ZNF34: variants seen among roughly 807,000 people sequenced by gnomAD.
ZNF34 encodes zinc finger protein 34.
ZNF34 carries 8 observed loss-of-function variants against 14.4 expected under a neutral mutation model. That is an observed-to-expected ratio of 0.55 (90% CI 0.33 to 1.00). The LOEUF is 1.00. ZNF34 is among the 50% of genes least tolerant of loss of function. The pLI, the probability that ZNF34 is intolerant of heterozygous loss-of-function variation, is 0.03. For missense variants in ZNF34, 538 were observed against 674.2 expected, an observed-to-expected ratio of 0.80 and a Z score of 2.24; for synonymous variants, 235 against 247.9, an observed-to-expected ratio of 0.95 and a Z score of 0.49.
At position 144,772,510 on chromosome 8, in the gene ZNF34, C is replaced by A. The variant is rs1825235740; in HGVS notation, c.*756G>T. On this transcript the variant is annotated 3_prime_UTR_variant, in exon 6 of 6. Transcript: ENST00000429371. Reference sequence around the variant, plus strand: ...ACCACAGTTAAAGGCAACTTCAACTCTATTGACATAAAAAGTATGAATGTT... The same window carrying A: ...ACCACAGTTAAAGGCAACTTCAACTATATTGACATAAAAAGTATGAATGTT... 6.6e-6 allele frequency among the ~76,000 whole-genome samples: 1 copy of A among 152,222 alleles called. No individual in the cohort carries two copies. Among genetic ancestry groups the A allele is most frequent in the African/African-American group, 2.4e-5 (1 of 41,454 alleles).
chr8:144,780,313 T>C, intron 1 of ZNF34, 33 bp from the exon 2 acceptor site: 1 of 1,470,046 alleles, frequency 6.8e-7, no homozygotes, highest in African/African-American at 1.4e-5. Flanking sequence ...GGCTAAGTAT[T>C]AGTTAATATT....
At chr8:144,780,517 G>A (rs1309102286) in intron 1 of ZNF34, among the ~76,000 whole-genome samples, 4 of 152,196 alleles carry the variant, frequency 2.6e-5, no homozygotes, top group African/African-American at 9.6e-5. Flanking sequence ...GCCGGGTGTG[G>A]TGGCTCACGC....
intron 1 of ZNF34, among the ~76,000 whole-genome samples, chr8:144,781,295 G>T (rs1825867994): frequency 6.7e-6 from 1 of 149,582 alleles, no homozygotes; most frequent in South Asian, 2.1e-4. Flanking sequence ...TTTAGACGGA[G>T]TCTTACTCTG....
chr8:144,776,375 G>A (rs1825516350), intron 5 of ZNF34, among the ~76,000 whole-genome samples: 1 of 150,750 alleles, frequency 6.6e-6, no homozygotes, highest in African/African-American at 2.4e-5. Context: ...CAAGGTGGGA[G>A]GATCGCTTGA....
chr8:144,779,827 C>T lies in ZNF34; in HGVS notation c.-55+401G>A, dbSNP rs1825752346. On this transcript the variant is annotated intron_variant, in intron 2 of 5. Coordinates refer to ENST00000429371, the MANE Select transcript of ZNF34 (RefSeq NM_001286769.2). The surrounding 1 kb of genome is among the most constrained non-coding windows in gnomAD (Gnocchi z 4.1). ...GCTGTCTCATTCAGGAGGAAAACGACAATACTCATTCACTTTACATGGAAG... is the reference window on the plus strand; with the variant it reads ...GCTGTCTCATTCAGGAGGAAAACGATAATACTCATTCACTTTACATGGAAG... 6.6e-6 allele frequency among the ~76,000 whole-genome samples: 1 copy of T among 152,004 alleles called. No homozygotes were observed. Among genetic ancestry groups the T allele is most frequent in the African/African-American group, 2.4e-5 (1 of 41,368 alleles).
At position 144,774,542 on chromosome 8, in the gene ZNF34, G is replaced by C. The variant is rs776768748; in HGVS notation, c.344C>G (p.Pro115Arg). 1.2e-6 allele frequency: 2 copies of C among 1,613,886 alleles called. No homozygotes were observed. Among genetic ancestry groups the C allele is most frequent in the Non-Finnish European group, 8.5e-7 (1 of 1,179,878 alleles). Reference sequence around the variant, plus strand: ...GGCTTCTACTGGCTCAGATCCCTGGGGATCTTCCTCACCAAATGTCTCCTG... The same window carrying C: ...GGCTTCTACTGGCTCAGATCCCTGGCGATCTTCCTCACCAAATGTCTCCTG... ...TSQETFGEED[P>R]QGSEPVEACD... Residue 115 changes from proline (P) to arginine (R), a missense_variant, in exon 6 of 6, where the codon CCC (proline) becomes CGC (arginine). This residue lies in a region of ZNF34 where 431 missense variants were observed against 525.7 expected (regional missense o/e 0.82). Coordinates refer to ENST00000429371, the MANE Select transcript of ZNF34 (RefSeq NM_001286769.2).
intron 1 of ZNF34, among the ~76,000 whole-genome samples, chr8:144,786,678 AAAAG>A (rs1826260038): frequency 6.6e-6 from 1 of 151,964 alleles, no homozygotes; most frequent in Non-Finnish European, 1.5e-5. Context: ...AAGAGAAAAG[AAAAG>A]AAAGAAAAAA....
rs369632583 is a variant in ZNF34 at position 144,774,387 on chromosome 8, G to A, written c.499C>T (p.Pro167Ser). 195 of 1,613,442 alleles carry A rather than the reference G, an allele frequency of 1.2e-4. No individual in the cohort carries two copies. The highest frequency in any genetic ancestry group is 1.6e-4 in the Non-Finnish European group (191 of 1,179,718). Residue 167 changes from proline to serine, a missense_variant, in exon 6 of 6, where the codon CCT becomes TCT. Physicochemically the swap from Pro to Ser is moderately conservative, Grantham distance 74. This residue lies in a region of ZNF34 where 431 missense variants were observed against 525.7 expected (regional missense o/e 0.82). Coordinates refer to ENST00000429371, the MANE Select transcript of ZNF34 (RefSeq NM_001286769.2). Reference sequence around the variant, plus strand: ...TTGTGAGGTCTCTGATCAGGAACAGGTCTTGACAGCAACCTGAGGTTTCCC... The same window carrying A: ...TTGTGAGGTCTCTGATCAGGAACAGATCTTGACAGCAACCTGAGGTTTCCC... Reference protein sequence around the residue: ...SGGNLRLLSRPVPDQRPHKCD... With the variant: ...SGGNLRLLSRSVPDQRPHKCD...
Position 144,779,185 on chromosome 8 carries a change from A to G in ZNF34, c.-54-660T>C, listed in dbSNP as rs752647038. On this transcript the variant is annotated intron_variant, in intron 2 of 5. Coordinates refer to ENST00000429371, the MANE Select transcript of ZNF34 (RefSeq NM_001286769.2). This position sits in a 1 kb window ranked among gnomAD's most constrained non-coding sequence, Gnocchi z 4.1. ...GATGGAATCCAGGGCTCAGGGCACA[A>G]AACCCTCATGGCCTCTGGAATGTGC... 2.0e-5 allele frequency among the ~76,000 whole-genome samples: 3 copies of G among 152,086 alleles called. No homozygotes were observed. Among genetic ancestry groups the G allele is most frequent in the Non-Finnish European group, 4.4e-5 (3 of 67,988 alleles).
chr8:144,773,188 A>G lies in ZNF34; in HGVS notation c.*78T>C, dbSNP rs1825265890. On this transcript the variant is annotated 3_prime_UTR_variant, in exon 6 of 6. Coordinates refer to ENST00000429371, the MANE Select transcript of ZNF34 (RefSeq NM_001286769.2). This position sits in a 1 kb window ranked among gnomAD's most constrained non-coding sequence, Gnocchi z 5.4. Reference sequence around the variant, plus strand: ...TGTGAAAACATCGTGTGGATAATACATAAAGGGCAGAGTCAGGTGCCGGGG... The same window carrying G: ...TGTGAAAACATCGTGTGGATAATACGTAAAGGGCAGAGTCAGGTGCCGGGG... The G allele has an allele frequency of 1.4e-6, 2 of 1,442,278 alleles. No homozygotes were observed. The highest frequency in any genetic ancestry group is 1.9e-6 in the Non-Finnish European group (2 of 1,079,450). The allele number at this position is 1,442,278 out of a possible 1,614,324, so 89.3% of individuals were successfully genotyped here. A position where few individuals can be genotyped will look rare whatever the true frequency, so the allele number is the denominator to read the frequency against.
Position 144,773,195 on chromosome 8 carries a change from G to T in ZNF34, c.*71C>A. The stretch of plus-strand genomic sequence containing the variant: ...ACATCGTGTGGATAATACATAAAGG[G>T]CAGAGTCAGGTGCCGGGGGCGCATG... On this transcript the variant is annotated 3_prime_UTR_variant, in exon 6 of 6. Coordinates refer to ENST00000429371, the MANE Select transcript of ZNF34 (RefSeq NM_001286769.2). This position sits in a 1 kb window ranked among gnomAD's most constrained non-coding sequence, Gnocchi z 5.4. The T allele has an allele frequency of 6.8e-7, 1 of 1,470,258 alleles. No individual in the cohort carries two copies. The highest frequency in any genetic ancestry group is 9.1e-7 in the Non-Finnish European group (1 of 1,097,900). The allele number at this position is 1,470,258 out of a possible 1,614,324, so 91.1% of individuals were successfully genotyped here.
Position 144,774,546 on chromosome 8 carries a change from C to G in ZNF34, c.340G>C (p.Asp114His). 1 of 1,613,976 alleles carries G rather than the reference C, an allele frequency of 6.2e-7. No homozygotes were observed. Among genetic ancestry groups the G allele is most frequent in the Admixed American group, 1.7e-5 (1 of 60,008 alleles). Reference sequence around the variant, plus strand: ...TCTACTGGCTCAGATCCCTGGGGATCTTCCTCACCAAATGTCTCCTGTGAA... The same window carrying G: ...TCTACTGGCTCAGATCCCTGGGGATGTTCCTCACCAAATGTCTCCTGTGAA... The part of the protein sequence containing the change: ...LTSQETFGEE[D>H]PQGSEPVEAC... Residue 114 changes from aspartate to histidine, a missense_variant, in exon 6 of 6, where the codon GAT (aspartate) becomes CAT (histidine). By Grantham distance (81) the Asp-to-His change is moderately conservative (BLOSUM62 -1). This residue lies in a region of ZNF34 where 431 missense variants were observed against 525.7 expected (regional missense o/e 0.82). Transcript: ENST00000429371.
intron 1 of ZNF34, among the ~76,000 whole-genome samples, chr8:144,780,658 G>A (rs1426629935): frequency 1.3e-5 from 2 of 152,020 alleles, no homozygotes; most frequent in South Asian, 2.1e-4. Context: ...GCGTGGTGGC[G>A]GGCTCCTGTA....
rs1275645970 is a variant in ZNF34 at position 144,779,277 on chromosome 8, T to G, written c.-54-752A>C. On this transcript the variant is annotated intron_variant, in intron 2 of 5. Transcript: ENST00000429371. The surrounding 1 kb of genome is among the most constrained non-coding windows in gnomAD (Gnocchi z 4.1). ...TAAACATGTTCTCCATTATCTCAGG[T>G]AGCAGAGCATAGTACATATGTGTCA... Among the ~76,000 whole-genome samples the G allele has an allele frequency of 1.3e-5, 2 of 152,196 alleles. No homozygotes were observed. Among genetic ancestry groups the G allele is most frequent in the Non-Finnish European group, 2.9e-5 (2 of 68,036 alleles).
At position 144,777,656 on chromosome 8, in the gene ZNF34, G is replaced by C; in HGVS notation, c.161-79C>G. ...GTGCTGTCTCACCCTGGGGCTGCAG[G>C]GTAAGGGAGGCACAGGCAGAGGGGG... is the stretch of plus-strand genomic sequence containing the variant. On this transcript the variant is annotated intron_variant, in intron 4 of 5. Coordinates refer to ENST00000429371, the MANE Select transcript of ZNF34 (RefSeq NM_001286769.2). This position sits in a 1 kb window ranked among gnomAD's most constrained non-coding sequence, Gnocchi z 4.8. 1.3e-6 allele frequency: 2 copies of C among 1,497,724 alleles called. No individual in the cohort carries two copies. Among genetic ancestry groups the C allele is most frequent in the South Asian group, 2.5e-5 (2 of 80,386 alleles). The allele number at this position is 1,497,724 out of a possible 1,614,324, so 92.8% of individuals were successfully genotyped here.
intron 3 of ZNF34, 52 bp from the exon 4 acceptor site, chr8:144,778,216 A>T: frequency 6.4e-7 from 1 of 1,569,898 alleles, no homozygotes; most frequent in Non-Finnish European, 8.6e-7. Context: ...GTGGGCTGGT[A>T]GGGGCGGGGA....
intron 5 of ZNF34, among the ~76,000 whole-genome samples, chr8:144,775,501 G>A (rs879365942): frequency 2.0e-5 from 3 of 152,168 alleles, no homozygotes; most frequent in Admixed American, 1.3e-4. Flanking sequence ...GGGAACATAA[G>A]TTGTGGTGTG....
intron 2 of ZNF34, among the ~76,000 whole-genome samples, chr8:144,778,838 T>C (rs1312272995): frequency 6.6e-6 from 1 of 152,060 alleles, no homozygotes; most frequent in Non-Finnish European, 1.5e-5. Context: ...GCTCAAGCAG[T>C]TCTCTCACCT....
At chr8:144,786,157 T>C (rs368619833) in intron 1 of ZNF34, among the ~76,000 whole-genome samples, 3 of 151,504 alleles carry the variant, frequency 2.0e-5, no homozygotes, top group East Asian at 4.0e-4. Context: ...GCTAATTTTT[T>C]TGTATTTTTT....
Sources: allele counts gnomAD v4.1 joint callset (sites outside exome capture counted in the v4.1 genomes callset), GRCh38; gene constraint gnomAD v4.1.1; regional missense constraint gnomAD v4.1.1; non-coding constraint Gnocchi (gnomAD v3.1); transcripts MANE v1.5; gene names NCBI Gene and HGNC (gene_info 2026-07-23, HGNC 2026-07-21).